MYO5A: variants seen among roughly 807,000 people sequenced by gnomAD.
MYO5A encodes unconventional myosin-Va.
A neutral mutation model predicts 249.7 loss-of-function variants in MYO5A; 98 were observed. The ratio of observed to expected loss-of-function variants is 0.39; its 90% CI spans 0.33 to 0.46. The LOEUF (loss-of-function observed/expected upper bound fraction) is 0.46. MYO5A is among the 20% of genes least tolerant of loss of function. The pLI, the probability that MYO5A is intolerant of heterozygous loss-of-function variation, is 0.98. For synonymous variants in MYO5A, 778 were observed against 810.6 expected (o/e 0.96, Z 0.68); for missense variants, 1,696 against 2,308.8 (o/e 0.73, Z 5.44).
intron 34 of MYO5A, among the ~76,000 whole-genome samples, chr15:52,334,756 C>T (rs185123987): frequency 6.2e-4 from 94 of 152,282 alleles, no homozygotes; most frequent in African/African-American, 2.1e-3. Flanking sequence ...GTTTTCTATG[C>T]TCAGGAAGCT....
chr15:52,475,629 A>G (rs550599924), intron 1 of MYO5A, among the ~76,000 whole-genome samples: 2 of 152,028 alleles, frequency 1.3e-5, no homozygotes, highest in South Asian at 4.1e-4. Context: ...TTATTTCTGC[A>G]TTCATTTTGT....
rs755512969 is a variant in MYO5A at position 52,410,482 on chromosome 15, A to C, written c.613-6T>G. 1 of 1,610,614 alleles carries C rather than the reference A, an allele frequency of 6.2e-7. No individual in the cohort carries two copies. Among genetic ancestry groups the C allele is most frequent in the Non-Finnish European group, 8.5e-7 (1 of 1,176,950 alleles). On this transcript the variant is annotated splice_polypyrimidine_tract_variant and splice_region_variant and intron_variant, in intron 5 of 41. Coordinates refer to ENST00000399233, the MANE Select transcript of MYO5A (RefSeq NM_001382347.1). ...GTTTTAGCATTTCCAATGGACTAAA[A>C]AGCAAGGGAGAAAATAAGATTTTAG...
chr15:52,410,210 T>C (rs2043188429), intron 6 of MYO5A, 123 bp downstream of exon 6: 2 of 1,171,862 alleles, frequency 1.7e-6, no homozygotes. Flanking sequence ...CAAGTGTGGT[T>C]GGAGGTAATA....
At chr15:52,354,096 G>GAAAAAT (rs2040087180) in intron 25 of MYO5A, 82 bp from the exon 26 acceptor site, 2 of 1,508,986 alleles carry the variant, frequency 1.3e-6, no homozygotes, top group Admixed American at 3.5e-5. Context: ...CAGCTCAATG[G>GAAAAAT]AAAAATAGGC....
chr15:52,402,868 AAAAAC>A lies in MYO5A; in HGVS notation c.1053+2414_1053+2418del, dbSNP rs369002979. ...TCAAAAAGAAAAAAACAAAAAAACA[AAAAAC>A]AAAACAAAACAAAACAAAAACTAAC... On this transcript the variant is annotated intron_variant, in intron 9 of 41. Coordinates refer to ENST00000399233, the MANE Select transcript of MYO5A (RefSeq NM_001382347.1). Among the ~76,000 whole-genome samples, 111 of 152,138 alleles carry A rather than the reference AAAAAC, an allele frequency of 7.3e-4. 2 individuals carry two copies. Among genetic ancestry groups the A allele is most frequent in the East Asian group, 7.0e-3 (36 of 5,178 alleles).
intron 1 of MYO5A, among the ~76,000 whole-genome samples, chr15:52,494,785 G>C (rs1258091992): frequency 1.3e-5 from 2 of 152,176 alleles, no homozygotes; most frequent in East Asian, 3.9e-4. Context: ...GAGCCACTGT[G>C]CCTGGCCTTT....
intron 4 of MYO5A, among the ~76,000 whole-genome samples, chr15:52,421,021 G>GT (rs1174458156): frequency 1.3e-5 from 2 of 152,142 alleles, no homozygotes; most frequent in African/African-American, 2.4e-5. Flanking sequence ...CTGGCACCAT[G>GT]TTTGGTACAC....
intron 29 of MYO5A, 110 bp from the exon 30 acceptor site, chr15:52,346,571 C>A (rs554176227): frequency 1.3e-6 from 1 of 743,662 alleles, no homozygotes; most frequent in African/African-American, 1.7e-5. Context: ...CTCCACCATA[C>A]CTGTGACCCA....
intron 41 of MYO5A, 25 bp downstream of exon 41, chr15:52,314,098 C>T (rs1370884342): frequency 6.4e-7 from 1 of 1,559,430 alleles, no homozygotes. Flanking sequence ...GTTGGTGAAT[C>T]AAAGAAGAAG....
chr15:52,476,127 C>T lies in MYO5A; in HGVS notation c.28-42842G>A, dbSNP rs113103158. On this transcript the variant is annotated intron_variant, in intron 1 of 41. Coordinates refer to ENST00000399233, the MANE Select transcript of MYO5A (RefSeq NM_001382347.1). ...AGTTAGCTCTTCTCGTTGAATTCAG[C>T]CCTTTATCATTATGTAATGGCCTTC... Among the ~76,000 whole-genome samples, 139 of 152,244 alleles carry T rather than the reference C, an allele frequency of 9.1e-4. 1 individual carries two copies. The highest frequency in any genetic ancestry group is 3.2e-3 in the African/African-American group (131 of 41,542).
At chr15:52,473,235 G>A (rs577107736) in intron 1 of MYO5A, among the ~76,000 whole-genome samples, 1 of 152,308 alleles carries the variant, frequency 6.6e-6, no homozygotes, top group Non-Finnish European at 1.5e-5. Flanking sequence ...AGTTTTTGAT[G>A]GGGCTGTTTG....
At chr15:52,394,577 G>A (rs929973934) in intron 11 of MYO5A, among the ~76,000 whole-genome samples, 4 of 152,230 alleles carry the variant, frequency 2.6e-5, no homozygotes, top group African/African-American at 9.6e-5. Context: ...AATCGAAGAT[G>A]CAGAATGTAA....
At chr15:52,449,169 ATGT>A (rs2075962699) in intron 1 of MYO5A, among the ~76,000 whole-genome samples, 3 of 151,680 alleles carry the variant, frequency 2.0e-5, no homozygotes, top group Admixed American at 2.0e-4. Flanking sequence ...GGGTTTCACC[ATGT>A]TGGCCAGGCT....
chr15:52,347,170 T>C (rs2039679288), intron 29 of MYO5A, among the ~76,000 whole-genome samples: 1 of 152,172 alleles, frequency 6.6e-6, no homozygotes, highest in South Asian at 2.1e-4. Flanking sequence ...GTCAAATCTG[T>C]CTGACAAGCA....
intron 34 of MYO5A, among the ~76,000 whole-genome samples, chr15:52,335,202 G>C (rs1379752325): frequency 1.3e-5 from 2 of 152,192 alleles, no homozygotes; most frequent in African/African-American, 4.8e-5. Context: ...CCCTTAAGCA[G>C]TGAGAACATT....
intron 27 of MYO5A, among the ~76,000 whole-genome samples, chr15:52,352,143 C>T (rs2141021529): frequency 6.6e-6 from 1 of 152,326 alleles, no homozygotes; most frequent in Non-Finnish European, 1.5e-5. Context: ...TTCCTCCAGC[C>T]ATCCAGAAGG....
intron 9 of MYO5A, among the ~76,000 whole-genome samples, chr15:52,400,646 T>C (rs2042708219): frequency 6.6e-6 from 1 of 152,176 alleles, no homozygotes; most frequent in Non-Finnish European, 1.5e-5. Flanking sequence ...TCAGTTTGGG[T>C]CTCTATGATG....
intron 1 of MYO5A, among the ~76,000 whole-genome samples, chr15:52,501,965 T>C (rs1595803593): frequency 6.6e-6 from 1 of 152,186 alleles, no homozygotes; most frequent in African/African-American, 2.4e-5. Context: ...TCCATATTAA[T>C]ATGAGATGCT....
intron 1 of MYO5A, among the ~76,000 whole-genome samples, chr15:52,459,147 A>ATATTTTTTTTTTTTTT (rs2076181557): frequency 1.6e-5 from 1 of 64,252 alleles, no homozygotes; most frequent in African/African-American, 5.0e-5. Context: ...TTTTCCAGAA[A>ATATTTTTTTTTTTTTT]TTTTTTTTTT....
Sources: gnomAD v4.1 joint callset for allele counts (sites outside exome capture counted in the v4.1 genomes callset) on GRCh38, gnomAD v4.1.1 for gene constraint, MANE v1.5 for transcripts, NCBI Gene and HGNC (gene_info 2026-07-23, HGNC 2026-07-21) for gene names.